The following CCDC102B variants were observed in gnomAD, a reference collection of about 807,000 sequenced individuals.
The protein encoded by CCDC102B is coiled-coil domain containing 102B, also known as coiled-coil domain-containing protein 102B.
In CCDC102B, 75 loss-of-function variants were observed where a neutral mutation model predicts 57.4. The observed-to-expected ratio is 1.31, with a 90% CI of 1.08 to 1.58. The LOEUF (loss-of-function observed/expected upper bound fraction) is 1.58, where lower values mean the gene tolerates loss of function less well. CCDC102B is among the 40% of genes most tolerant of loss of function. The pLI is 0.00. For synonymous variants in CCDC102B, 206 were observed against 201.9 expected, an observed-to-expected ratio of 1.02 and a Z score of -0.17; for missense variants, 636 against 582.6, an observed-to-expected ratio of 1.09 and a Z score of -0.94.
At chr18:68,866,932 C>A (rs558088756) in intron 4 of CCDC102B, 244 of 517,496 alleles carry the variant, frequency 4.7e-4, no homozygotes, top group Middle Eastern at 2.3e-3. Flanking sequence ...TGATGTGGTA[C>A]CCGGGAATAG....
intron 7 of CCDC102B, among the ~76,000 whole-genome samples, chr18:69,034,142 C>T (rs1377979796): frequency 1.3e-5 from 2 of 151,886 alleles, no homozygotes; most frequent in Admixed American, 1.3e-4. Context: ...TCTTATTTCT[C>T]TCCTTCTGTG....
At chr18:68,944,201 T>A (rs947265562) in intron 6 of CCDC102B, among the ~76,000 whole-genome samples, 2 of 152,054 alleles carry the variant, frequency 1.3e-5, no homozygotes, top group Non-Finnish European at 2.9e-5. Context: ...ATGGAGTTTG[T>A]CCAGCTTTCC....
chr18:68,919,391 T>G (rs921096945), intron 6 of CCDC102B, among the ~76,000 whole-genome samples: 4 of 152,154 alleles, frequency 2.6e-5, no homozygotes. Context: ...AATATCGTTT[T>G]TATATTTCTT....
chr18:68,728,758 AT>A (rs765829715), intron 2 of CCDC102B, among the ~76,000 whole-genome samples: 6 of 152,214 alleles, frequency 3.9e-5, no homozygotes, highest in South Asian at 2.1e-4. Flanking sequence ...GACAAAAAAA[AT>A]AGAAGAATTT....
At chr18:69,041,866 C>T (rs771500859) in intron 7 of CCDC102B, among the ~76,000 whole-genome samples, 13 of 152,008 alleles carry the variant, frequency 8.6e-5, no homozygotes, top group Non-Finnish European at 1.3e-4. Context: ...CCTTTCCAAA[C>T]CAGGTGGTCA....
chr18:68,830,701 A>G (rs1209849507), intron 1 of CCDC102B, among the ~76,000 whole-genome samples: 2 of 150,156 alleles, frequency 1.3e-5, no homozygotes, highest in Admixed American at 1.3e-4. Context: ...GTATGACATA[A>G]TCTCTTTAAG....
intron 6 of CCDC102B, among the ~76,000 whole-genome samples, chr18:68,984,598 G>T (rs1377243368): frequency 6.6e-6 from 1 of 152,056 alleles, no homozygotes; most frequent in Admixed American, 6.6e-5. Context: ...GACCCATGTT[G>T]CACAACAGGC....
At chr18:68,740,148 A>G (rs1300732323) in intron 2 of CCDC102B, among the ~76,000 whole-genome samples, 1 of 152,178 alleles carries the variant, frequency 6.6e-6, no homozygotes, top group Non-Finnish European at 1.5e-5. Context: ...GCTTTTACCC[A>G]CTAGATTCCT....
At position 68,765,386 on chromosome 18, in the gene CCDC102B, GAAAGAAAAGA is replaced by G. The variant is rs1568239100; in HGVS notation, c.-67+48795_-67+48804del. On this transcript the variant is annotated intron_variant, in intron 2 of 3. Transcript: ENST00000578970. ...GAAAGAAAGAAAGAAAGAAAAGAAAGAAAGAAAAGAAAGGAAGGAAGGAAGGAAAGAGAAA... is the reference window on the plus strand; with the variant it reads ...GAAAGAAAGAAAGAAAGAAAAGAAAGAAGGAAGGAAGGAAGGAAAGAGAAA... 1.6e-3 allele frequency among the ~76,000 whole-genome samples: 221 copies of G among 139,792 alleles called. 1 individual carries two copies. The highest frequency in any genetic ancestry group is 5.6e-3 in the African/African-American group (210 of 37,508). The allele number at this position is 139,792 out of a possible 152,430, so 91.7% of individuals were successfully genotyped here.
At chr18:68,950,238 C>A (rs1177456042) in intron 6 of CCDC102B, among the ~76,000 whole-genome samples, 1 of 151,998 alleles carries the variant, frequency 6.6e-6, no homozygotes, top group Non-Finnish European at 1.5e-5. Context: ...CCTAGAAGAA[C>A]TTCCAAATGT....
At chr18:68,750,797 C>G (rs1259774418) in intron 2 of CCDC102B, among the ~76,000 whole-genome samples, 1 of 96,592 alleles carries the variant, frequency 1.0e-5, no homozygotes, top group Admixed American at 1.5e-4. Flanking sequence ...CAGGGCCTGT[C>G]GTGGGGTGGG....
At chr18:68,892,310 G>A (rs998481603) in intron 5 of CCDC102B, among the ~76,000 whole-genome samples, 1 of 152,096 alleles carries the variant, frequency 6.6e-6, no homozygotes, top group South Asian at 2.1e-4. Context: ...AGTAGCTTGT[G>A]TTCTGGCTCT....
chr18:69,004,147 G>T (rs539295533), intron 6 of CCDC102B, among the ~76,000 whole-genome samples: 1 of 152,228 alleles, frequency 6.6e-6, no homozygotes, highest in African/African-American at 2.4e-5. Context: ...AAATTTAATT[G>T]TGTAGGGTAC....
intron 5 of CCDC102B, among the ~76,000 whole-genome samples, chr18:68,885,748 A>C (rs1416238449): frequency 6.6e-6 from 1 of 152,052 alleles, no homozygotes. Context: ...TCACAAAATG[A>C]TGTAAAAAAC....
At chr18:68,895,725 A>G (rs917489325) in intron 5 of CCDC102B, among the ~76,000 whole-genome samples, 6 of 151,792 alleles carry the variant, frequency 4.0e-5, no homozygotes, top group Non-Finnish European at 1.5e-5. Flanking sequence ...ATGGTATTAT[A>G]TGTATGGTAT....
intron 4 of CCDC102B, among the ~76,000 whole-genome samples, chr18:68,856,055 G>A (rs2038370758): frequency 6.6e-6 from 1 of 152,108 alleles, no homozygotes; most frequent in Non-Finnish European, 1.5e-5. Context: ...AGAAATGTAA[G>A]ATCTTTCATT....
chr18:68,960,638 G>C (rs2050022968), intron 6 of CCDC102B, among the ~76,000 whole-genome samples: 1 of 152,166 alleles, frequency 6.6e-6, no homozygotes, highest in Admixed American at 6.6e-5. Context: ...TTTCAAACCT[G>C]AGAGCATTAT....
chr18:68,872,444 G>A (rs939689804), intron 4 of CCDC102B, among the ~76,000 whole-genome samples: 1 of 152,048 alleles, frequency 6.6e-6, no homozygotes, highest in African/African-American at 2.4e-5. Flanking sequence ...AAATTACCTA[G>A]AGGATTATAT....
chr18:68,793,373 T>C (rs183619040), upstream of CCDC102B, among the ~76,000 whole-genome samples: 8 of 152,316 alleles, frequency 5.3e-5, no homozygotes, highest in Admixed American at 1.3e-4. Flanking sequence ...TTTCTATTTT[T>C]TAAAAAAGTT....
Sources: gnomAD v4.1 joint callset for allele counts (sites outside exome capture counted in the v4.1 genomes callset) on GRCh38, gnomAD v4.1.1 for gene constraint, MANE v1.5 for transcripts, NCBI Gene and HGNC (gene_info 2026-07-23, HGNC 2026-07-21) for gene names.